ARAP1: variants seen among roughly 807,000 people sequenced by gnomAD.
The protein encoded by ARAP1 is arf-GAP with Rho-GAP domain, ANK repeat and PH domain-containing protein 1.
In ARAP1, 76 loss-of-function variants were observed where a neutral mutation model predicts 172.2. The observed-to-expected ratio is 0.44, with a 90% CI of 0.37 to 0.53. The LOEUF is 0.53. Among genes scored for constraint, ARAP1 ranks in the 20% least tolerant of loss-of-function variants. ARAP1 has a pLI of 0.00. For synonymous variants in ARAP1, 804 were observed against 803.3 expected (o/e 1.00, Z -0.01); for missense variants, 1,686 against 1,977.5 (o/e 0.85, Z 2.80).
chr11:72,743,530 C>T (rs1858267576), intron 1 of ARAP1, among the ~76,000 whole-genome samples: 1 of 152,168 alleles, frequency 6.6e-6, no homozygotes, highest in Non-Finnish European at 1.5e-5. Flanking sequence ...GCTCACCCTG[C>T]TCAGGAGGCT....
intron 30 of ARAP1, among the ~76,000 whole-genome samples, chr11:72,690,264 C>A (rs941892349): frequency 1.1e-4 from 17 of 152,260 alleles, no homozygotes; most frequent in African/African-American, 3.4e-4. Flanking sequence ...TCAAACCAGG[C>A]TGTGGCTCCA....
chr11:72,713,745 G>C (rs1857144222), intron 4 of ARAP1, among the ~76,000 whole-genome samples: 1 of 151,852 alleles, frequency 6.6e-6, no homozygotes. Context: ...TACTCGGGAG[G>C]CTGAGGCAGG....
rs1246312725 is a variant in ARAP1 at position 72,710,802 on chromosome 11, C to T, written c.1214-215G>A. On this transcript the variant is annotated intron_variant, in intron 9 of 34. Coordinates refer to ENST00000393609, the MANE Select transcript of ARAP1 (RefSeq NM_001040118.3). The surrounding 1 kb of genome is among the most constrained non-coding windows in gnomAD (Gnocchi z 4.3). ...GACCTCACCCCTCCAAGCCTGCTCC[C>T]GCTGATTGTGTGGTTCTGAGGAGTC... is the stretch of plus-strand genomic sequence containing the variant. 6.6e-6 allele frequency among the ~76,000 whole-genome samples: 1 copy of T among 152,208 alleles called. No homozygotes were observed. Among genetic ancestry groups the T allele is most frequent in the African/African-American group, 2.4e-5 (1 of 41,452 alleles).
intron 1 of ARAP1, among the ~76,000 whole-genome samples, chr11:72,751,629 A>G (rs532333248): frequency 6.6e-6 from 1 of 152,048 alleles, no homozygotes; most frequent in Non-Finnish European, 1.5e-5. Flanking sequence ...ATCTGGGATC[A>G]GGGAAGGCTC....
chr11:72,708,786 C>T (rs1045616223), intron 11 of ARAP1, among the ~76,000 whole-genome samples: 5 of 152,188 alleles, frequency 3.3e-5, no homozygotes, highest in Non-Finnish European at 5.9e-5. Context: ...CCTGTAATCC[C>T]GGCACTTTGG....
intron 2 of ARAP1, 25 bp from the exon 3 acceptor site, chr11:72,727,197 T>G (rs1366361907): frequency 6.8e-7 from 1 of 1,473,738 alleles, no homozygotes; most frequent in Non-Finnish European, 9.0e-7. Flanking sequence ...CAGGCACAGG[T>G]CAGAGGCAGG....
rs527727675 is a variant in ARAP1 at position 72,711,335 on chromosome 11, C to T, written c.1092+95G>A. ...TAAGGGGTCAGACTTAGAACTCTGG[C>T]GAGGACTCCTCTGGGGAGGGACGCC... On this transcript the variant is annotated intron_variant, in intron 8 of 34. Coordinates refer to ENST00000393609, the MANE Select transcript of ARAP1 (RefSeq NM_001040118.3). The T allele has an allele frequency of 2.9e-5, 44 of 1,506,696 alleles. No individual in the cohort carries two copies. In the African/African-American group the frequency reaches 3.8e-4, roughly 13 times the overall value. The allele number at this position is 1,506,696 out of a possible 1,614,324, so 93.3% of individuals were successfully genotyped here.
At chr11:72,722,148 GGACA>G (rs1835770281) in intron 3 of ARAP1, 2 of 978,804 alleles carry the variant, frequency 2.0e-6, no homozygotes, top group Admixed American at 6.4e-5. Flanking sequence ...CAGGAGGAAA[GGACA>G]GAGAGAGAGA....
At chr11:72,750,812 G>A (rs955248889) in intron 1 of ARAP1, among the ~76,000 whole-genome samples, 3 of 152,196 alleles carry the variant, frequency 2.0e-5, no homozygotes, top group Non-Finnish European at 1.5e-5. Flanking sequence ...GAGCTCCAAG[G>A]AGACCCTTCC....
Position 72,697,588 on chromosome 11 carries a change from C to G in ARAP1, c.2789+10G>C. The stretch of plus-strand genomic sequence containing the variant: ...CCTTCTCAGAGCCCCTCAGGGAGGC[C>G]GTGGCTCACCTCCTTCGCTCCACCA... On this transcript the variant is annotated intron_variant, in intron 20 of 34. Coordinates refer to ENST00000393609, the MANE Select transcript of ARAP1 (RefSeq NM_001040118.3). 6.2e-7 allele frequency: 1 copy of G among 1,614,034 alleles called. No individual in the cohort carries two copies. The highest frequency in any genetic ancestry group is 8.5e-7 in the Non-Finnish European group (1 of 1,179,936).
chr11:72,745,355 ATTTTTTT>A (rs35656290), intron 1 of ARAP1, among the ~76,000 whole-genome samples: 14 of 110,746 alleles, frequency 1.3e-4, no homozygotes, highest in South Asian at 3.2e-4. Context: ...CGTCCGGCTA[ATTTTTTT>A]TTTTTTTTTT....
At chr11:72,714,625 A>G (rs1591212639) in intron 3 of ARAP1, among the ~76,000 whole-genome samples, 1 of 152,320 alleles carries the variant, frequency 6.6e-6, no homozygotes, top group East Asian at 1.9e-4. Context: ...GATAAAGACC[A>G]GAATGGGGAG....
Position 72,710,106 on chromosome 11 carries a change from G to T in ARAP1, c.1417-130C>A. 1.2e-6 allele frequency: 1 copy of T among 865,000 alleles called. No homozygotes were observed. Among genetic ancestry groups the T allele is most frequent in the Non-Finnish European group, 1.9e-6 (1 of 527,664 alleles). 53.6% of individuals were successfully genotyped at this position (865,000 alleles called of 1,614,324 possible). ...GGTGCCCAGGAGGGAGACAGCAGGG[G>T]ACATGGGAGGCTGGGCAGGGTAAGG... On this transcript the variant is annotated intron_variant, in intron 10 of 34. Coordinates refer to ENST00000393609, the MANE Select transcript of ARAP1 (RefSeq NM_001040118.3). This position sits in a 1 kb window ranked among gnomAD's most constrained non-coding sequence, Gnocchi z 4.3.
intron 1 of ARAP1, among the ~76,000 whole-genome samples, chr11:72,746,547 C>T (rs955804943): frequency 8.5e-5 from 13 of 152,212 alleles, no homozygotes; most frequent in Admixed American, 2.0e-4. Context: ...GACTCACAGG[C>T]ACATAAAACC....
At chr11:72,728,754 G>T (rs1857772376) in intron 2 of ARAP1, among the ~76,000 whole-genome samples, 1 of 152,164 alleles carries the variant, frequency 6.6e-6, no homozygotes, top group Non-Finnish European at 1.5e-5. Context: ...GCGATAGGAA[G>T]AAAAATTGGG....
Position 72,703,026 on chromosome 11 carries a change from C to G in ARAP1, c.2046G>C (p.Leu682=). ...AGCAGTTGATCCCAGCCCCACAGCC[C>G]AGGAGCGCCTGGGTCTCAGCCAGGT... is the stretch of plus-strand genomic sequence containing the variant. ...TTDLAETQAL[L]GCGAGINCFS... is the part of the protein sequence containing the mutation. Residue 682 remains leucine (L), a synonymous_variant, in exon 15 of 35, where the codon CTG becomes CTC. Transcript: ENST00000393609. 1 of 1,595,646 alleles carries G rather than the reference C, an allele frequency of 6.3e-7. No homozygotes were observed. Among genetic ancestry groups the G allele is most frequent in the Middle Eastern group, 1.7e-4 (1 of 6,006 alleles).
chr11:72,745,464 A>T (rs1858336964), intron 1 of ARAP1, among the ~76,000 whole-genome samples: 1 of 147,604 alleles, frequency 6.8e-6, no homozygotes, highest in African/African-American at 2.5e-5. Flanking sequence ...TCGGCCTCCC[A>T]AAGTGCTGGG....
At chr11:72,687,850 G>A in intron 31 of ARAP1, 112 bp from the exon 32 acceptor site, 1 of 1,306,144 alleles carries the variant, frequency 7.7e-7, no homozygotes, top group Non-Finnish European at 1.1e-6. Context: ...CCAGAGTTCA[G>A]AGCCTTCTCA....
intron 4 of ARAP1, among the ~76,000 whole-genome samples, chr11:72,713,713 G>A (rs1857141976): frequency 6.6e-6 from 1 of 152,044 alleles, no homozygotes; most frequent in South Asian, 2.1e-4. Flanking sequence ...CAGGTATGGT[G>A]GCGGGCGCCT....
Sources: allele counts gnomAD v4.1 joint callset (sites outside exome capture counted in the v4.1 genomes callset), GRCh38; gene constraint gnomAD v4.1.1; non-coding constraint Gnocchi (gnomAD v3.1); transcripts MANE v1.5; gene names NCBI Gene and HGNC (gene_info 2026-07-23, HGNC 2026-07-21).